The following SLC23A2 variants were observed in gnomAD, a reference collection of about 807,000 sequenced individuals.
The protein encoded by SLC23A2 is Na(+)/L-ascorbic acid transporter 2.
In SLC23A2, 36 loss-of-function variants were observed where a neutral mutation model predicts 73.3. The observed-to-expected ratio is 0.49, with a 90% confidence interval of 0.38 to 0.65. The LOEUF (loss-of-function observed/expected upper bound fraction) is 0.65. Among genes scored for constraint, SLC23A2 ranks in the 30% least tolerant of loss-of-function variants. The probability of loss-of-function intolerance (pLI) is 0.00; values close to 1 mark genes in which losing one functional copy is unlikely to be tolerated. For synonymous variants in SLC23A2, 343 were observed against 327.3 expected (o/e 1.05, Z -0.52); for missense variants, 507 against 841.6 (o/e 0.60, Z 4.92).
At chr20:4,873,398 C>T (rs560047195) in intron 11 of SLC23A2, among the ~76,000 whole-genome samples, 1 of 152,280 alleles carries the variant, frequency 6.6e-6, no homozygotes, top group East Asian at 1.9e-4. Context: ...GTATTCACAC[C>T]CCCAACAGTT....
At chr20:4,933,591 T>C (rs1489166674) in intron 2 of SLC23A2, among the ~76,000 whole-genome samples, 1 of 151,878 alleles carries the variant, frequency 6.6e-6, no homozygotes, top group African/African-American at 2.4e-5. Context: ...ATCGCATCAC[T>C]GCACTCTAGC....
chr20:4,947,451 C>T lies in SLC23A2; in HGVS notation c.-154-14735G>A, dbSNP rs781130352. Among the ~76,000 whole-genome samples, 28 of 152,172 alleles carry T rather than the reference C, an allele frequency of 1.8e-4. No homozygotes were observed. Among genetic ancestry groups the T allele is most frequent in the Non-Finnish European group, 3.4e-4 (23 of 68,038 alleles). ...TTTGCACACATGGTGCTTTTTATTTCAACACTATTTAAAATGTATTAATCA... is the reference window on the plus strand; with the variant it reads ...TTTGCACACATGGTGCTTTTTATTTTAACACTATTTAAAATGTATTAATCA... On this transcript the variant is annotated intron_variant, in intron 2 of 16. Coordinates refer to ENST00000338244, the MANE Select transcript of SLC23A2 (RefSeq NM_005116.6). This position sits in a 1 kb window ranked among gnomAD's most constrained non-coding sequence, Gnocchi z 4.4.
At chr20:4,885,743 G>T (rs940060138) in intron 7 of SLC23A2, 78 bp downstream of exon 7, 2 of 998,090 alleles carry the variant, frequency 2.0e-6, no homozygotes, top group Non-Finnish European at 3.2e-6. Flanking sequence ...TAGCGCTGCT[G>T]AGGGCAGCAC....
At chr20:4,975,034 G>A (rs936950904) in intron 1 of SLC23A2, among the ~76,000 whole-genome samples, 3 of 152,122 alleles carry the variant, frequency 2.0e-5, no homozygotes, top group African/African-American at 7.2e-5. Context: ...TGATCCACCC[G>A]CCTTGGTCTC....
At chr20:4,944,673 G>A (rs1361093577) in intron 2 of SLC23A2, among the ~76,000 whole-genome samples, 3 of 152,228 alleles carry the variant, frequency 2.0e-5, no homozygotes, top group Non-Finnish European at 2.9e-5. Flanking sequence ...GACAGGGGAA[G>A]AATATGACTA....
intron 2 of SLC23A2, among the ~76,000 whole-genome samples, chr20:4,963,237 G>GT (rs1302188490): frequency 6.6e-6 from 1 of 152,078 alleles, no homozygotes; most frequent in Non-Finnish European, 1.5e-5. Flanking sequence ...AATGTCCTTC[G>GT]TTATCCAAAG....
intron 1 of SLC23A2, among the ~76,000 whole-genome samples, chr20:4,992,845 AT>A (rs766989934): frequency 6.6e-6 from 1 of 152,084 alleles, no homozygotes; most frequent in Non-Finnish European, 1.5e-5. Flanking sequence ...ATAGAAAAAA[AT>A]ATTTGCAAAG....
intron 1 of SLC23A2, among the ~76,000 whole-genome samples, chr20:4,986,512 C>T (rs530240966): frequency 2.6e-5 from 4 of 152,132 alleles, no homozygotes; most frequent in Non-Finnish European, 4.4e-5. Context: ...TAGGGTTTCA[C>T]CATGTTGGCT....
chr20:4,996,412 G>A (rs2423080), intron 1 of SLC23A2, among the ~76,000 whole-genome samples: 7,087 of 152,092 alleles, frequency 0.047, 201 homozygotes, highest in Non-Finnish European at 0.067. Context: ...AGTGGGCCAG[G>A]CACGGTGGCT....
intron 1 of SLC23A2, among the ~76,000 whole-genome samples, chr20:4,984,106 T>C (rs903776863): frequency 6.6e-6 from 1 of 152,042 alleles, no homozygotes; most frequent in Non-Finnish European, 1.5e-5. Context: ...AGTAACCTAA[T>C]TAAATGGGCA....
intron 1 of SLC23A2, among the ~76,000 whole-genome samples, chr20:4,994,210 T>A (rs1289490356): frequency 6.6e-6 from 1 of 152,214 alleles, no homozygotes; most frequent in African/African-American, 2.4e-5. Context: ...TGAGTGAGCT[T>A]GGCTGTGTTG....
At chr20:5,004,628 CT>C (rs1165763675), upstream of SLC23A2, among the ~76,000 whole-genome samples, 3 of 152,136 alleles carry the variant, frequency 2.0e-5, no homozygotes, top group African/African-American at 7.2e-5. Context: ...GGAGGATCGC[CT>C]TTGCCAGGAG....
intron 1 of SLC23A2, among the ~76,000 whole-genome samples, chr20:4,975,505 C>T (rs1292911712): frequency 6.6e-6 from 1 of 151,856 alleles, no homozygotes; most frequent in Non-Finnish European, 1.5e-5. Flanking sequence ...CTCAGCCTCC[C>T]AAGTAGCTGG....
At chr20:4,887,273 CTGTT>C (rs990223768) in intron 6 of SLC23A2, among the ~76,000 whole-genome samples, 2 of 152,220 alleles carry the variant, frequency 1.3e-5, no homozygotes, top group Non-Finnish European at 2.9e-5. Flanking sequence ...AGGGAAAACA[CTGTT>C]TGACTTCTAG....
chr20:4,997,765 C>G (rs1391271908), intron 1 of SLC23A2, among the ~76,000 whole-genome samples: 1 of 152,118 alleles, frequency 6.6e-6, no homozygotes, highest in Admixed American at 6.6e-5. Context: ...GCTGGGACTA[C>G]AGGCACTACT....
At chr20:4,959,206 C>T (rs1039780411) in intron 2 of SLC23A2, among the ~76,000 whole-genome samples, 22 of 141,418 alleles carry the variant, frequency 1.6e-4, no homozygotes, top group Non-Finnish European at 2.6e-4. Flanking sequence ...GCAACAAGAG[C>T]AAAACTCTGT....
chr20:4,879,408 CAAAAAAA>C (rs111565515), intron 9 of SLC23A2, among the ~76,000 whole-genome samples: 51 of 43,006 alleles, frequency 1.2e-3, no homozygotes, highest in Admixed American at 2.5e-3. Context: ...AACTCTGTCT[CAAAAAAA>C]AAAAAAAAAA....
chr20:4,924,896 G>T (rs1233468289), intron 3 of SLC23A2, among the ~76,000 whole-genome samples: 1 of 152,114 alleles, frequency 6.6e-6, no homozygotes, highest in African/African-American at 2.4e-5. Flanking sequence ...CAGAATGAAA[G>T]CCCTGTGGCC....
chr20:4,918,433 T>C (rs1044848962), intron 3 of SLC23A2, among the ~76,000 whole-genome samples: 1 of 152,230 alleles, frequency 6.6e-6, no homozygotes, highest in Non-Finnish European at 1.5e-5. Context: ...TGCATTTGCA[T>C]TGTATTTACT....
Sources: gnomAD v4.1 joint callset for allele counts (sites outside exome capture counted in the v4.1 genomes callset) on GRCh38, gnomAD v4.1.1 for gene constraint, Gnocchi (gnomAD v3.1) non-coding constraint, MANE v1.5 for transcripts, NCBI Gene and HGNC (gene_info 2026-07-23, HGNC 2026-07-21) for gene names.